Variants in ECSIT observed in about 807,000 individuals in gnomAD.
The protein encoded by ECSIT is evolutionarily conserved signaling intermediate in Toll pathway, mitochondrial.
Under a neutral mutation model 36.8 loss-of-function variants are expected in ECSIT, and 29 were observed. The ratio of observed to expected loss-of-function variants is 0.79; its 90% CI spans 0.59 to 1.08. The LOEUF is 1.08. ECSIT is among the 50% of genes least tolerant of loss of function. The probability of loss-of-function intolerance (pLI) is 0.00; values close to 1 mark genes in which losing one functional copy is unlikely to be tolerated. For synonymous variants in ECSIT, 231 were observed against 234.8 expected, an observed-to-expected ratio of 0.98 and a Z score of 0.15; for missense variants, 542 against 581.0, an observed-to-expected ratio of 0.93 and a Z score of 0.69.
At chr19:11,522,238 C>T (rs1164354528) in intron 1 of ECSIT, 2 of 610,182 alleles carry the variant, frequency 3.3e-6, no homozygotes, top group Non-Finnish European at 5.9e-6. Flanking sequence ...GAGCAGCACC[C>T]ACAACATGTA....
intron 4 of ECSIT, among the ~76,000 whole-genome samples, chr19:11,510,985 T>C (rs1971859273): frequency 6.8e-6 from 1 of 147,770 alleles, no homozygotes; most frequent in Admixed American, 6.9e-5. Context: ...AGGTTTGAGA[T>C]CAAGCTCTTT....
At chr19:11,506,461 C>G (rs1050390445) in intron 7 of ECSIT, 33 bp from the exon 8 acceptor site, 1 of 1,585,550 alleles carries the variant, frequency 6.3e-7, no homozygotes, top group Middle Eastern at 1.7e-4. Context: ...AAGGTTTGCA[C>G]AGTGGGGGCT....
chr19:11,526,496 G>A (rs141785555), intron 1 of ECSIT, among the ~76,000 whole-genome samples: 241 of 152,162 alleles, frequency 1.6e-3, no homozygotes, highest in African/African-American at 5.6e-3. Flanking sequence ...ACTACTACTG[G>A]CCATTCAGGC....
chr19:11,507,885 A>C (rs1326139105), intron 5 of ECSIT, 35 bp from the exon 6 acceptor site: 3 of 1,613,750 alleles, frequency 1.9e-6, no homozygotes, highest in African/African-American at 2.7e-5. Flanking sequence ...GTGCCCTGCA[A>C]GGGACTCGGC....
chr19:11,525,282 G>A (rs1972191097), intron 1 of ECSIT, among the ~76,000 whole-genome samples: 1 of 152,176 alleles, frequency 6.6e-6, no homozygotes, highest in South Asian at 2.1e-4. Context: ...GCCATGGTGG[G>A]AGGACTGGTT....
At chr19:11,524,039 C>T (rs1453723948) in intron 1 of ECSIT, among the ~76,000 whole-genome samples, 1 of 152,056 alleles carries the variant, frequency 6.6e-6, no homozygotes, top group East Asian at 1.9e-4. Context: ...CCCACCACTG[C>T]CTCCTGAGTA....
At chr19:11,514,531 GT>G (rs1285649232) in intron 2 of ECSIT, among the ~76,000 whole-genome samples, 9 of 146,756 alleles carry the variant, frequency 6.1e-5, no homozygotes, top group East Asian at 5.9e-4. Flanking sequence ...TTTTTTTTTG[GT>G]TTTTTTTTGA....
chr19:11,515,623 A>T (rs960025770), intron 2 of ECSIT, among the ~76,000 whole-genome samples: 13 of 151,870 alleles, frequency 8.6e-5, no homozygotes, highest in African/African-American at 2.9e-4. Flanking sequence ...TGCCCAGCTA[A>T]TTTTTATGTT....
chr19:11,522,695 C>T (rs759138548), intron 1 of ECSIT, among the ~76,000 whole-genome samples: 1 of 146,150 alleles, frequency 6.8e-6, no homozygotes, highest in Non-Finnish European at 1.5e-5. Flanking sequence ...CCTGGGTGAC[C>T]GAGTGAGACT....
At position 11,507,703 on chromosome 19, in the gene ECSIT, C is replaced by G; in HGVS notation, c.944G>C (p.Arg315Thr). The change falls in exon 6 of 8, where the codon AGG becomes ACG. Residue 315 changes from arginine to threonine, a missense_variant and splice_region_variant. Coordinates refer to ENST00000270517, the MANE Select transcript of ECSIT (RefSeq NM_016581.5). The stretch of plus-strand genomic sequence containing the variant: ...ACATGCTTTGCTTTAAGCCCTCACC[C>G]TCTCCTCCGGGGGCAGCAAGTCAGC... ...LRADLLPPEE[R>T]EVEETPEEWN... 1.2e-6 allele frequency: 2 copies of G among 1,614,128 alleles called. No homozygotes were observed. Among genetic ancestry groups the G allele is most frequent in the South Asian group, 1.1e-5 (1 of 91,086 alleles).
At chr19:11,517,983 C>T (rs1047810121) in intron 2 of ECSIT, among the ~76,000 whole-genome samples, 1 of 152,026 alleles carries the variant, frequency 6.6e-6, no homozygotes, top group Non-Finnish European at 1.5e-5. Flanking sequence ...CCCTCACCCA[C>T]GTAGGCACTA....
At chr19:11,524,608 G>A (rs1415222403) in intron 1 of ECSIT, among the ~76,000 whole-genome samples, 3 of 151,604 alleles carry the variant, frequency 2.0e-5, no homozygotes, top group African/African-American at 7.3e-5. Context: ...AGTCAGAGTG[G>A]GAGGATCACT....
At chr19:11,523,578 A>G in intron 1 of ECSIT, 1 of 1,016,620 alleles carries the variant, frequency 9.8e-7, no homozygotes, top group Non-Finnish European at 1.5e-6. Context: ...CGCCAAGCCC[A>G]TCTTTGTGTG....
chr19:11,523,561 A>G, intron 1 of ECSIT: 1 of 1,062,332 alleles, frequency 9.4e-7, no homozygotes, highest in Non-Finnish European at 1.4e-6. Flanking sequence ...CCAAAGCCTT[A>G]GACAAGCGCC....
At chr19:11,509,014 C>T (rs571941256) in intron 4 of ECSIT, among the ~76,000 whole-genome samples, 1 of 152,042 alleles carries the variant, frequency 6.6e-6, no homozygotes, top group African/African-American at 2.4e-5. Context: ...GGAAGGAATA[C>T]CTTTTTTATC....
chr19:11,517,460 G>A (rs1255470633), intron 2 of ECSIT, among the ~76,000 whole-genome samples: 1 of 151,836 alleles, frequency 6.6e-6, no homozygotes, highest in African/African-American at 2.4e-5. Context: ...GCCAGGTGTG[G>A]TGCCGCACAC....
In ECSIT at chr19:11,514,141, C is replaced by G. The variant is rs143232799; in HGVS notation, c.177G>C (p.Pro59=). 11 of 1,613,866 alleles carry G rather than the reference C, an allele frequency of 6.8e-6. No individual in the cohort carries two copies. In the African/African-American group the frequency reaches 1.5e-4, roughly 22 times the overall value. ...CCTTGGTGGGCCTCTGCCGGGGTTC[C>G]GGTGGGCTGGGAACCAGGGACTGTT... ...SSEQSLVPSP[P]EPRQRPTKAL... Residue 59 remains proline (P), a synonymous_variant, in exon 3 of 8, where the codon CCG becomes CCC. Coordinates refer to ENST00000270517, the MANE Select transcript of ECSIT (RefSeq NM_016581.5).
intron 1 of ECSIT, chr19:11,522,201 G>A (rs918763675): frequency 1.2e-5 from 6 of 520,602 alleles, no homozygotes; most frequent in South Asian, 2.1e-5. Flanking sequence ...GAAGAACTTC[G>A]GCATCTGGCT....
At chr19:11,522,841 C>T (rs1379205421) in intron 1 of ECSIT, among the ~76,000 whole-genome samples, 4 of 152,062 alleles carry the variant, frequency 2.6e-5, no homozygotes, top group Admixed American at 1.3e-4. Flanking sequence ...GAGGGTGAGG[C>T]GGGTGGATCA....
Sources: gnomAD v4.1 joint callset for allele counts (sites outside exome capture counted in the v4.1 genomes callset) on GRCh38, gnomAD v4.1.1 for gene constraint, MANE v1.5 for transcripts, NCBI Gene and HGNC (gene_info 2026-07-23, HGNC 2026-07-21) for gene names.